The following ZSWIM5 variants were observed in gnomAD, a reference collection of about 807,000 sequenced individuals.
The protein encoded by ZSWIM5 is zinc finger SWIM domain-containing protein 5.
ZSWIM5 carries 55 observed loss-of-function variants against 119.6 expected under a neutral mutation model. The observed-to-expected ratio is 0.46, with a 90% CI of 0.37 to 0.58. The LOEUF (loss-of-function observed/expected upper bound fraction) is 0.58. Ranked by LOEUF, ZSWIM5 falls within the 20% of genes least tolerant of loss-of-function variation. The pLI is 0.00. For missense variants in ZSWIM5, 1,193 were observed against 1,512.8 expected, an observed-to-expected ratio of 0.79 and a Z score of 3.51; for synonymous variants, 537 against 606.9, an observed-to-expected ratio of 0.88 and a Z score of 1.69.
At chr1:45,151,724 G>T (rs1645797725) in intron 1 of ZSWIM5, among the ~76,000 whole-genome samples, 1 of 152,048 alleles carries the variant, frequency 6.6e-6, no homozygotes, top group South Asian at 2.1e-4. Flanking sequence ...CAAAAAGAAT[G>T]TGCCAAGACT....
At chr1:45,050,265 G>A (rs1271331982) in intron 5 of ZSWIM5, among the ~76,000 whole-genome samples, 21 of 151,564 alleles carry the variant, frequency 1.4e-4, no homozygotes. Flanking sequence ...GCTGAGGCAT[G>A]AGAATTGCTT....
intron 5 of ZSWIM5, among the ~76,000 whole-genome samples, chr1:45,046,488 G>A (rs1324609345): frequency 6.6e-6 from 1 of 152,172 alleles, no homozygotes; most frequent in Non-Finnish European, 1.5e-5. Context: ...CATATATGGA[G>A]ACAGGAAGAC....
intron 1 of ZSWIM5, among the ~76,000 whole-genome samples, chr1:45,097,583 AT>A (rs1465207258): frequency 2.0e-5 from 3 of 152,226 alleles, no homozygotes; most frequent in Non-Finnish European, 2.9e-5. Context: ...TTATTGCATG[AT>A]TATAGTCGTG....
chr1:45,157,419 C>T (rs1317637316), intron 1 of ZSWIM5, among the ~76,000 whole-genome samples: 1 of 152,164 alleles, frequency 6.6e-6, no homozygotes, highest in Admixed American at 6.5e-5. Context: ...AAGTGATCCT[C>T]CCACCTTGGC....
At chr1:45,186,890 C>T (rs1449041393) in intron 1 of ZSWIM5, among the ~76,000 whole-genome samples, 1 of 152,060 alleles carries the variant, frequency 6.6e-6, no homozygotes, top group Non-Finnish European at 1.5e-5. Flanking sequence ...TCATACCTGC[C>T]CTCAATAACT....
intron 1 of ZSWIM5, among the ~76,000 whole-genome samples, chr1:45,130,010 G>A (rs1222822807): frequency 6.6e-6 from 1 of 152,024 alleles, no homozygotes; most frequent in Non-Finnish European, 1.5e-5. Context: ...TGATTCTCCT[G>A]CCTCAGCCTC....
At position 45,018,478 on chromosome 1, in the gene ZSWIM5, C is replaced by T; in HGVS notation, c.3534G>A (p.Leu1178=). The T allele has an allele frequency of 1.2e-6, 2 of 1,614,104 alleles. No individual in the cohort carries two copies. Among genetic ancestry groups the T allele is most frequent in the Non-Finnish European group, 1.7e-6 (2 of 1,179,972 alleles). ...CTCAGCCAAAGCGCTCTCGCACCAG[C>T]AGCATCAACTTTTTCTTGCCTTTGT... The part of the protein sequence containing the change: ...QIYKGKKKLM[L]LVRERFG Residue 1178 remains leucine, a synonymous_variant, in exon 14 of 14, where the codon CTG becomes CTA. Transcript: ENST00000359600. This position sits in a 1 kb window ranked among gnomAD's most constrained non-coding sequence, Gnocchi z 6.7.
intron 2 of ZSWIM5, among the ~76,000 whole-genome samples, chr1:45,061,412 C>A (rs1570042799): frequency 6.7e-6 from 1 of 148,896 alleles, no homozygotes; most frequent in Admixed American, 6.7e-5. Flanking sequence ...ACTCTGTCAT[C>A]CAGGTTGGAG....
At chr1:45,157,320 G>A (rs548285348) in intron 1 of ZSWIM5, among the ~76,000 whole-genome samples, 8 of 151,974 alleles carry the variant, frequency 5.3e-5, no homozygotes, top group East Asian at 3.9e-4. Flanking sequence ...GACTACAGGC[G>A]CATGCCACCA....
At position 45,206,551 on chromosome 1, in the gene ZSWIM5, C is replaced by T. The variant is rs924025757; in HGVS notation, c.-201G>A. ...CGCCGCGAGGGCAGACGCGGGCGGCCTGCAGGGTAGCGTGAGGCGGCGCGC... is the reference window on the plus strand; with the variant it reads ...CGCCGCGAGGGCAGACGCGGGCGGCTTGCAGGGTAGCGTGAGGCGGCGCGC... On this transcript the variant is annotated 5_prime_UTR_variant, in exon 1 of 14. Transcript: ENST00000359600. The T allele has an allele frequency of 4.4e-5, 44 of 1,007,792 alleles. No homozygotes were observed. The highest frequency in any genetic ancestry group is 4.4e-5 in the Non-Finnish European group (37 of 845,962). 62.4% of individuals were successfully genotyped at this position (1,007,792 alleles called of 1,614,324 possible).
intron 1 of ZSWIM5, among the ~76,000 whole-genome samples, chr1:45,124,996 T>C (rs1645611683): frequency 6.6e-6 from 1 of 152,166 alleles, no homozygotes; most frequent in African/African-American, 2.4e-5. Flanking sequence ...ATACAGTTAA[T>C]ACCTCTCTCA....
intron 1 of ZSWIM5, among the ~76,000 whole-genome samples, chr1:45,141,487 T>C (rs1259537791): frequency 6.6e-6 from 1 of 151,950 alleles, no homozygotes; most frequent in Non-Finnish European, 1.5e-5. Context: ...ATTCAGCATA[T>C]AATAAACAGA....
Position 45,206,592 on chromosome 1 carries a change from G to A in ZSWIM5, c.-242C>T. The A allele has an allele frequency of 1.0e-6, 1 of 958,128 alleles. No individual in the cohort carries two copies. The allele number at this position is 958,128 out of a possible 1,614,324, so 59.4% of individuals were successfully genotyped here. A position where few individuals can be genotyped will look rare whatever the true frequency, so the allele number is the denominator to read the frequency against. ...GGCGGCGCGCGGTGTCCTGGCCGCC[G>A]CGGACGCGAAGACAGGCGGGAGCGA... On this transcript the variant is annotated 5_prime_UTR_variant, in exon 1 of 14. Coordinates refer to ENST00000359600, the MANE Select transcript of ZSWIM5 (RefSeq NM_020883.2).
At chr1:45,081,918 G>A (rs1343753398) in intron 2 of ZSWIM5, among the ~76,000 whole-genome samples, 4 of 152,026 alleles carry the variant, frequency 2.6e-5, no homozygotes, top group Non-Finnish European at 4.4e-5. Flanking sequence ...TTGAGAAATC[G>A]GATGGTTGCC....
intron 2 of ZSWIM5, among the ~76,000 whole-genome samples, chr1:45,077,490 G>T (rs1358165424): frequency 6.6e-6 from 1 of 152,158 alleles, no homozygotes; most frequent in African/African-American, 2.4e-5. Context: ...ACTTAACAGG[G>T]TAATAGACTA....
chr1:45,058,849 A>C, intron 3 of ZSWIM5, 90 bp from the exon 4 acceptor site: 1 of 1,469,418 alleles, frequency 6.8e-7, no homozygotes, highest in Non-Finnish European at 9.4e-7. Context: ...AGTGAAGATG[A>C]AGTATCTGAG....
Position 45,174,981 on chromosome 1 carries a change from C to T in ZSWIM5, c.595+30775G>A, listed in dbSNP as rs574506084. Among the ~76,000 whole-genome samples, 9 of 152,132 alleles carry T rather than the reference C, an allele frequency of 5.9e-5. No individual in the cohort carries two copies. The South Asian group carries it at 1.7e-3, about 28-fold the overall frequency. On this transcript the variant is annotated intron_variant, in intron 1 of 13. Coordinates refer to ENST00000359600, the MANE Select transcript of ZSWIM5 (RefSeq NM_020883.2). The stretch of plus-strand genomic sequence containing the variant: ...AATACCATAACATTATCATATAATG[C>T]ACAGGCCCCATTCAACTGTTGCCAA...
chr1:45,183,641 A>C (rs1353350874), intron 1 of ZSWIM5, among the ~76,000 whole-genome samples: 2 of 152,188 alleles, frequency 1.3e-5, no homozygotes, highest in Non-Finnish European at 2.9e-5. Context: ...ATAAACTAGA[A>C]AATCTAGAAG....
intron 1 of ZSWIM5, among the ~76,000 whole-genome samples, chr1:45,180,333 C>T (rs569639779): frequency 3.9e-5 from 6 of 152,300 alleles, no homozygotes; most frequent in Non-Finnish European, 1.5e-5. Flanking sequence ...TGATTGCTAG[C>T]ACAGCAGTCT....
Sources: allele counts gnomAD v4.1 joint callset (sites outside exome capture counted in the v4.1 genomes callset), GRCh38; gene constraint gnomAD v4.1.1; non-coding constraint Gnocchi (gnomAD v3.1); transcripts MANE v1.5; gene names NCBI Gene and HGNC (gene_info 2026-07-23, HGNC 2026-07-21).